Variants in LDLRAP1 observed in about 807,000 individuals in gnomAD.
LDLRAP1 encodes low density lipoprotein receptor adapter protein 1.
Under a neutral mutation model 37.8 loss-of-function variants are expected in LDLRAP1, and 30 were observed. That is an observed-to-expected ratio of 0.79 (90% confidence interval 0.59 to 1.08). The LOEUF is 1.08. LDLRAP1 is among the 50% of genes least tolerant of loss of function. LDLRAP1 has a pLI of 0.00. For synonymous variants in LDLRAP1, 156 were observed against 169.8 expected (o/e 0.92, Z 0.63); for missense variants, 375 against 401.6 (o/e 0.93, Z 0.57).
At chr1:25,550,329 A>C (rs550424414) in intron 1 of LDLRAP1, among the ~76,000 whole-genome samples, 2 of 152,240 alleles carry the variant, frequency 1.3e-5, no homozygotes, top group Non-Finnish European at 2.9e-5. Flanking sequence ...TGACTCAGAC[A>C]TGAAGCATTG....
At chr1:25,564,106 G>A (rs1006906670) in intron 7 of LDLRAP1, 18 of 397,244 alleles carry the variant, frequency 4.5e-5, no homozygotes, top group South Asian at 1.1e-4. Context: ...GGCAGAGCTC[G>A]CTCCTACCAC....
Position 25,567,245 on chromosome 1 carries a change from G to A in LDLRAP1, c.*253G>A, listed in dbSNP as rs929775060. On this transcript the variant is annotated 3_prime_UTR_variant, in exon 9 of 9. Transcript: ENST00000374338. ...GGCTTATGCTCAGAAGCCAGTCTGCGTCAGGCACGTCTCCTGCTGCGTGAC... is the reference window on the plus strand; with the variant it reads ...GGCTTATGCTCAGAAGCCAGTCTGCATCAGGCACGTCTCCTGCTGCGTGAC... The A allele has an allele frequency of 4.7e-5, 26 of 552,036 alleles. No individual in the cohort carries two copies. Among genetic ancestry groups the A allele is most frequent in the African/African-American group, 7.6e-5 (4 of 52,978 alleles). 34.2% of individuals were successfully genotyped at this position (552,036 alleles called of 1,614,324 possible). A position where few individuals can be genotyped will look rare whatever the true frequency, so the allele number is the denominator to read the frequency against.
Position 25,553,971 on chromosome 1 carries a change from G to T in LDLRAP1, c.138G>T (p.Met46Ile), listed in dbSNP as rs1320650194. The change falls in exon 2 of 9, where the codon ATG (methionine) becomes ATT (isoleucine). Residue 46 changes from methionine (M) to isoleucine (I), a missense_variant. Physicochemically the swap from Met to Ile is conservative, Grantham distance 10. Coordinates refer to ENST00000374338, the MANE Select transcript of LDLRAP1 (RefSeq NM_015627.3). ...CGCGGGAGACGCTGCTGGAGGGGAT[G>T]CTGTTCAGCCTCAAGTACCTGGGCA... The part of the protein sequence containing the change: ...TDTRETLLEG[M>I]LFSLKYLGMT... 7 of 1,614,078 alleles carry T rather than the reference G, an allele frequency of 4.3e-6. No homozygotes were observed. Among genetic ancestry groups the T allele is most frequent in the Non-Finnish European group, 5.9e-6 (7 of 1,180,014 alleles).
In LDLRAP1 at chr1:25,544,477, A is replaced by G. The variant is rs191328119; in HGVS notation, c.88+691A>G. ...GCCTGGCGTCCCGACTATTTTTGAA[A>G]CCTGTTTTCTCTCGCACCTTTCCCC... On this transcript the variant is annotated intron_variant, in intron 1 of 8. Transcript: ENST00000374338. This position sits in a 1 kb window ranked among gnomAD's most constrained non-coding sequence, Gnocchi z 4.8. 2.6e-4 allele frequency among the ~76,000 whole-genome samples: 39 copies of G among 151,914 alleles called. No individual in the cohort carries two copies. The East Asian group carries it at 7.6e-3, about 29-fold the overall frequency.
intron 8 of LDLRAP1, among the ~76,000 whole-genome samples, chr1:25,565,498 A>T (rs1463418226): frequency 1.3e-5 from 2 of 151,782 alleles, no homozygotes; most frequent in African/African-American, 4.8e-5. Flanking sequence ...ACTGCAGCTC[A>T]AGTTGATTTC....
chr1:25,585,351 A>G, the LDLRAP1 span, among the ~76,000 whole-genome samples: 58 of 146,858 alleles, frequency 3.9e-4, no homozygotes, highest in Non-Finnish European at 8.9e-5. Flanking sequence ...TTTGAGACGG[A>G]GTCTCACTCT....
In LDLRAP1 at chr1:25,555,690, C is replaced by T. The variant is rs1298067605; in HGVS notation, c.344+718C>T. ...TTGTCTCTAAGCAGATGGCTCAGCCCGTTGGTGCACAGGCCAGTAGTAGGG... is the reference window on the plus strand; with the variant it reads ...TTGTCTCTAAGCAGATGGCTCAGCCTGTTGGTGCACAGGCCAGTAGTAGGG... On this transcript the variant is annotated intron_variant, in intron 3 of 8. Transcript: ENST00000374338. The surrounding 1 kb of genome is among the most constrained non-coding windows in gnomAD (Gnocchi z 4.7). Among the ~76,000 whole-genome samples the T allele has an allele frequency of 4.6e-5, 7 of 152,292 alleles. No individual in the cohort carries two copies. The highest frequency in any genetic ancestry group is 2.4e-5 in the African/African-American group (1 of 41,566).
At chr1:25,557,044 A>T (rs982896103) in intron 3 of LDLRAP1, 109 bp from the exon 4 acceptor site, 2 of 807,848 alleles carry the variant, frequency 2.5e-6, no homozygotes, top group Non-Finnish European at 4.3e-6. Flanking sequence ...GCCCTGGTGG[A>T]GTGGGAATAG....
chr1:25,565,303 C>T (rs75504912), intron 8 of LDLRAP1, 96 bp downstream of exon 8: 1 of 1,352,140 alleles, frequency 7.4e-7, no homozygotes, highest in Non-Finnish European at 1.1e-6. Flanking sequence ...ATTAAGAACA[C>T]AAGCCACTCA....
chr1:25,586,438 C>T, the LDLRAP1 span, among the ~76,000 whole-genome samples: 13 of 152,286 alleles, frequency 8.5e-5, no homozygotes, highest in African/African-American at 1.4e-4. This position sits in a 1 kb window ranked among gnomAD's most constrained non-coding sequence, Gnocchi z 4.3. Context: ...ATCAGGGCCA[C>T]AGCATTTCCC....
chr1:25,562,134 T>C (rs2124687341), intron 4 of LDLRAP1, among the ~76,000 whole-genome samples: 1 of 152,358 alleles, frequency 6.6e-6, no homozygotes, highest in East Asian at 1.9e-4. Flanking sequence ...GATCCAGTTA[T>C]GGTCCCAACC....
rs1057515463 is a variant in LDLRAP1, at chr1:25,562,664, C to G, written c.480C>G (p.Thr160=). Residue 160 remains threonine (T), a synonymous_variant, in exon 5 of 9, where the codon ACC becomes ACG. Transcript: ENST00000374338. ...TTCAGGCACAGGCTGTTACCCTCAC[C>G]GTAGCCCAGGCCTTCAAAGTCGCCT... The part of the protein sequence containing the change: ...KRKMAQAVTL[T]VAQAFKVAFE... The G allele has an allele frequency of 6.2e-7, 1 of 1,614,058 alleles. No individual in the cohort carries two copies. Among genetic ancestry groups the G allele is most frequent in the Non-Finnish European group, 8.5e-7 (1 of 1,180,018 alleles).
intron 4 of LDLRAP1, among the ~76,000 whole-genome samples, chr1:25,559,693 A>G (rs1477970275): frequency 6.6e-6 from 1 of 152,134 alleles, no homozygotes; most frequent in Non-Finnish European, 1.5e-5. Context: ...CTGCTACCTC[A>G]AGGTCTTAGC....
intron 1 of LDLRAP1, among the ~76,000 whole-genome samples, chr1:25,548,335 CT>C (rs144789866): frequency 4.1e-3 from 337 of 82,300 alleles, no homozygotes; most frequent in East Asian, 6.5e-3. Context: ...GATGGATACT[CT>C]TTTTTTTTTT....
chr1:25,582,969 T>G, the LDLRAP1 span, among the ~76,000 whole-genome samples: 20 of 149,046 alleles, frequency 1.3e-4, no homozygotes, highest in African/African-American at 3.4e-4. Context: ...CTACTTGGGA[T>G]GCTGAGGCAG....
rs1210541656 is a variant in LDLRAP1, at chr1:25,545,000, G to A, written c.88+1214G>A. On this transcript the variant is annotated intron_variant, in intron 1 of 8. Coordinates refer to ENST00000374338, the MANE Select transcript of LDLRAP1 (RefSeq NM_015627.3). This position sits in a 1 kb window ranked among gnomAD's most constrained non-coding sequence, Gnocchi z 4.8. ...GTTGTTCAGCTGTGGCCGCCTCCCA[G>A]CTGAGACTGGCATTGGCATTGGGAA... Among the ~76,000 whole-genome samples the A allele has an allele frequency of 1.3e-5, 2 of 152,234 alleles. No individual in the cohort carries two copies. Among genetic ancestry groups the A allele is most frequent in the African/African-American group, 4.8e-5 (2 of 41,456 alleles).
In LDLRAP1 at chr1:25,554,188, C is replaced by A; in HGVS notation, c.231+124C>A. 1 of 1,223,742 alleles carries A rather than the reference C, an allele frequency of 8.2e-7. No homozygotes were observed. Among genetic ancestry groups the A allele is most frequent in the Non-Finnish European group, 1.2e-6 (1 of 865,368 alleles). The allele number at this position is 1,223,742 out of a possible 1,614,324, so 75.8% of individuals were successfully genotyped here. Reference sequence around the variant, plus strand: ...TCTGAGCCTGGCCCTGCCCTTCATTCTCCTTCCATCCAGCTTTTGGGCCTT... The same window carrying A: ...TCTGAGCCTGGCCCTGCCCTTCATTATCCTTCCATCCAGCTTTTGGGCCTT... On this transcript the variant is annotated intron_variant, in intron 2 of 8. Coordinates refer to ENST00000374338, the MANE Select transcript of LDLRAP1 (RefSeq NM_015627.3). This position sits in a 1 kb window ranked among gnomAD's most constrained non-coding sequence, Gnocchi z 5.4.
the LDLRAP1 span, chr1:25,590,150 A>G: frequency 1.3e-5 from 2 of 152,192 alleles, no homozygotes; most frequent in African/African-American, 4.8e-5. Flanking sequence ...TCTGTATCCT[A>G]TTTGTTCTGT....
In LDLRAP1 at chr1:25,543,705, G is replaced by A; in HGVS notation, c.7G>A (p.Ala3Thr). The change falls in exon 1 of 9, where the codon GCG becomes ACG. Residue 3 changes from alanine to threonine, a missense_variant. Ala to Thr is a moderately conservative substitution (Grantham distance 58). Transcript: ENST00000374338. ...GCGGCGGCCGGAGCGGGCCATGGAC[G>A]CGCTCAAGTCGGCGGGGCGGGCGCT... The part of the protein sequence containing the change: MD[A>T]LKSAGRALIR... The A allele has an allele frequency of 4.1e-6, 5 of 1,215,318 alleles. No individual in the cohort carries two copies. The highest frequency in any genetic ancestry group is 2.0e-6 in the Non-Finnish European group (2 of 977,476). 75.3% of individuals were successfully genotyped at this position (1,215,318 alleles called of 1,614,324 possible). A position where few individuals can be genotyped will look rare whatever the true frequency, so the allele number is the denominator to read the frequency against.
Sources: gnomAD v4.1 joint callset for allele counts (sites outside exome capture counted in the v4.1 genomes callset) on GRCh38, gnomAD v4.1.1 for gene constraint, Gnocchi (gnomAD v3.1) non-coding constraint, MANE v1.5 for transcripts, NCBI Gene and HGNC (gene_info 2026-07-23, HGNC 2026-07-21) for gene names.